The following PCDHGB1 variants were observed in gnomAD, a reference collection of about 807,000 sequenced individuals.
PCDHGB1 encodes the protein protocadherin gamma-B1.
In PCDHGB1, 34 loss-of-function variants were observed where a neutral mutation model predicts 56.6. The ratio of observed to expected loss-of-function variants is 0.60; its 90% CI spans 0.46 to 0.80. PCDHGB1 has a LOEUF of 0.80. Among genes scored for constraint, PCDHGB1 ranks in the 30% least tolerant of loss-of-function variants. The pLI is 0.00. For missense variants in PCDHGB1, 1,278 were observed against 1,204.6 expected (o/e 1.06, Z -0.90); for synonymous variants, 561 against 505.9 (o/e 1.11, Z -1.46).
chr5:141,405,927 A>G (rs138259154), intron 1 of PCDHGB1, among the ~76,000 whole-genome samples: 13 of 152,268 alleles, frequency 8.5e-5, no homozygotes, highest in African/African-American at 2.6e-4. Flanking sequence ...ATTTGCTGAT[A>G]TAACTTTCAT....
intron 1 of PCDHGB1, among the ~76,000 whole-genome samples, chr5:141,451,302 G>T (rs1445994098): frequency 6.6e-6 from 1 of 152,208 alleles, no homozygotes; most frequent in Non-Finnish European, 1.5e-5. Context: ...GTCTTACAAG[G>T]CAGCAATTAA....
In PCDHGB1 at chr5:141,494,860, C is replaced by T. The variant is rs372794752; in HGVS notation, c.2463C>T (p.Thr821=). Residue 821 remains threonine, a synonymous_variant, in exon 2 of 4, where the codon ACC becomes ACT. Coordinates refer to ENST00000523390, the MANE Select transcript of PCDHGB1 (RefSeq NM_018922.3). ...TCTCTCAGGCCCAGAGACCCGGCAC[C>T]AGCGGGTAGGTGACTGATTCTCCAG... ...WRFSQAQRPG[T]SGSQNGDDTG... 5.6e-6 allele frequency: 9 copies of T among 1,614,032 alleles called. No homozygotes were observed. Among genetic ancestry groups the T allele is most frequent in the Non-Finnish European group, 7.6e-6 (9 of 1,180,024 alleles).
At chr5:141,496,886 C>T (rs1562175671) in intron 2 of PCDHGB1, among the ~76,000 whole-genome samples, 1 of 135,246 alleles carries the variant, frequency 7.4e-6, no homozygotes, top group African/African-American at 2.9e-5. Context: ...ACAAGTAACA[C>T]TTAAAAAAAA....
intron 1 of PCDHGB1, chr5:141,418,478 G>A (rs777772131): frequency 1.2e-6 from 2 of 1,613,858 alleles, no homozygotes; most frequent in Non-Finnish European, 1.7e-6. Flanking sequence ...AACGCAGAGC[G>A]CTCACCACTT....
In PCDHGB1 at chr5:141,432,122, G is replaced by C; in HGVS notation, c.2410-62685G>C. On this transcript the variant is annotated intron_variant, in intron 1 of 3. Transcript: ENST00000523390. This position sits in a 1 kb window ranked among gnomAD's most constrained non-coding sequence, Gnocchi z 6.0. ...CGACAACCCGCCGGTCTTCCCTCAG[G>C]CCTCCTATTCCGCTTATATCCCAGA... 6.2e-7 allele frequency: 1 copy of C among 1,614,052 alleles called. No homozygotes were observed. Among genetic ancestry groups the C allele is most frequent in the Non-Finnish European group, 8.5e-7 (1 of 1,180,022 alleles).
chr5:141,491,508 G>T lies in PCDHGB1; in HGVS notation c.2410-3299G>T. 1 of 1,614,030 alleles carries T rather than the reference G, an allele frequency of 6.2e-7. No homozygotes were observed. Among genetic ancestry groups the T allele is most frequent in the Non-Finnish European group, 8.5e-7 (1 of 1,180,014 alleles). ...ACCTGCAGGTGAGCTCGGACGGCACGCTCAAGTACATGGAGGTGACGCTGC... is the reference window on the plus strand; with the variant it reads ...ACCTGCAGGTGAGCTCGGACGGCACTCTCAAGTACATGGAGGTGACGCTGC... On this transcript the variant is annotated intron_variant, in intron 1 of 3. Transcript: ENST00000523390. The surrounding 1 kb of genome is among the most constrained non-coding windows in gnomAD (Gnocchi z 6.9).
At chr5:141,376,186 C>T in intron 1 of PCDHGB1, 2 of 1,614,136 alleles carry the variant, frequency 1.2e-6, no homozygotes, top group Non-Finnish European at 1.7e-6. Flanking sequence ...CCGCGGTCTC[C>T]TGCGTCTTCC....
chr5:141,373,958 C>T, intron 1 of PCDHGB1: 1 of 917,866 alleles, frequency 1.1e-6, no homozygotes, highest in Non-Finnish European at 1.5e-6. Context: ...AAATTCTGAC[C>T]TGAAACGCTT....
intron 1 of PCDHGB1, chr5:141,408,979 C>A (rs1331121466): frequency 6.2e-7 from 1 of 1,613,862 alleles, no homozygotes; most frequent in East Asian, 2.2e-5. Flanking sequence ...CCCCTGGGTC[C>A]CCTGTGTTGC....
rs760617436 is a variant in PCDHGB1 at position 141,410,113 on chromosome 5, A to T, written c.2409+57444A>T. On this transcript the variant is annotated intron_variant, in intron 1 of 3. Transcript: ENST00000523390. The stretch of plus-strand genomic sequence containing the variant: ...CTCGAGCCTTAGGCGACAGGGACGC[A>T]GCCCGCCAGCGCCTGCTGGTCGCTG... 5 of 1,612,436 alleles carry T rather than the reference A, an allele frequency of 3.1e-6. No individual in the cohort carries two copies. The African/African-American group carries it at 6.7e-5, about 22-fold the overall frequency.
intron 1 of PCDHGB1, among the ~76,000 whole-genome samples, chr5:141,452,713 T>TGAGG (rs2098747318): frequency 6.7e-6 from 1 of 148,530 alleles, no homozygotes; most frequent in Non-Finnish European, 1.5e-5. Flanking sequence ...AAGGAAGGAA[T>TGAGG]GAGGGAGGGA....
In PCDHGB1 at chr5:141,370,973, G is replaced by T. The variant is rs763236238; in HGVS notation, c.2409+18304G>T. ...ACCTGGATGGCAGTAGGTACCCAGA[G>T]CTAGTACTGAAAGCACCCCTGGACA... is the stretch of plus-strand genomic sequence containing the variant. On this transcript the variant is annotated intron_variant, in intron 1 of 3. Coordinates refer to ENST00000523390, the MANE Select transcript of PCDHGB1 (RefSeq NM_018922.3). 9.3e-6 allele frequency: 15 copies of T among 1,614,010 alleles called. No individual in the cohort carries two copies. Among genetic ancestry groups the T allele is most frequent in the Admixed American group, 1.7e-5 (1 of 60,024 alleles).
chr5:141,405,231 C>A, intron 1 of PCDHGB1: 1 of 1,614,130 alleles, frequency 6.2e-7, no homozygotes, highest in Non-Finnish European at 8.5e-7. Flanking sequence ...TTCTCCCTCA[C>A]CGCTGACTCA....
chr5:141,408,865 A>T (rs765751172), intron 1 of PCDHGB1: 9 of 1,613,684 alleles, frequency 5.6e-6, no homozygotes, highest in Admixed American at 1.7e-5. Flanking sequence ...GGGACCCACC[A>T]AGAAGTGCCA....
At chr5:141,418,248 C>G (rs372067603) in intron 1 of PCDHGB1, 1 of 1,614,000 alleles carries the variant, frequency 6.2e-7, no homozygotes, top group Admixed American at 1.7e-5. Context: ...AATGACCACG[C>G]CCCTCAATTC....
chr5:141,447,428 G>C (rs542079336), intron 1 of PCDHGB1, among the ~76,000 whole-genome samples: 1 of 152,184 alleles, frequency 6.6e-6, no homozygotes, highest in African/African-American at 2.4e-5. Flanking sequence ...GTGAGCCACC[G>C]CACCCGGAGG....
At chr5:141,387,274 AT>A (rs2090884370) in intron 1 of PCDHGB1, among the ~76,000 whole-genome samples, 1 of 152,244 alleles carries the variant, frequency 6.6e-6, no homozygotes, top group South Asian at 2.1e-4. Context: ...GTTAGGAACA[AT>A]GAAAGAAAGA....
chr5:141,389,124 C>T (rs2091613941), intron 1 of PCDHGB1: 2 of 1,613,878 alleles, frequency 1.2e-6, no homozygotes, highest in South Asian at 2.2e-5. Context: ...CGAGCAGAAT[C>T]CAGAGTACAA....
chr5:141,489,666 C>A lies in PCDHGB1; in HGVS notation c.2410-5141C>A. On this transcript the variant is annotated intron_variant, in intron 1 of 3. Transcript: ENST00000523390. The surrounding 1 kb of genome is among the most constrained non-coding windows in gnomAD (Gnocchi z 4.5). ...CCACCCCTGAGCGAGAGATGCGCAT[C>A]TCAGAATCAGCAGCATCTGGGGCAC... 1.2e-6 allele frequency: 2 copies of A among 1,614,222 alleles called. No homozygotes were observed. Among genetic ancestry groups the A allele is most frequent in the Non-Finnish European group, 1.7e-6 (2 of 1,180,036 alleles).
Sources: allele counts gnomAD v4.1 joint callset (sites outside exome capture counted in the v4.1 genomes callset), GRCh38; gene constraint gnomAD v4.1.1; non-coding constraint Gnocchi (gnomAD v3.1); transcripts MANE v1.5; gene names NCBI Gene and HGNC (gene_info 2026-07-23, HGNC 2026-07-21).